Variants in BCAS1 observed in about 807,000 individuals in gnomAD.
BCAS1 encodes breast carcinoma-amplified sequence 1.
A neutral mutation model predicts 65.4 loss-of-function variants in BCAS1; 46 were observed. The ratio of observed to expected loss-of-function variants is 0.70; its 90% confidence interval spans 0.55 to 0.90. BCAS1 has a LOEUF of 0.90. Among genes scored for constraint, BCAS1 ranks in the 40% least tolerant of loss-of-function variants. The probability of loss-of-function intolerance (pLI) is 0.00; values close to 1 mark genes in which losing one functional copy is unlikely to be tolerated. For synonymous variants in BCAS1, 298 were observed against 293.5 expected, an observed-to-expected ratio of 1.02 and a Z score of -0.16; for missense variants, 793 against 771.2, an observed-to-expected ratio of 1.03 and a Z score of -0.33.
At chr20:53,951,118 G>A (rs369478898) in intron 12 of BCAS1, among the ~76,000 whole-genome samples, 6 of 152,168 alleles carry the variant, frequency 3.9e-5, no homozygotes, top group East Asian at 3.8e-4. Context: ...AGAAGCCACA[G>A]TGTAAATCAT....
At chr20:53,954,294 G>GGAGAGAGAGAGAGAGAGAGAGAGAGA (rs71196437) in intron 11 of BCAS1, among the ~76,000 whole-genome samples, 1 of 125,914 alleles carries the variant, frequency 7.9e-6, no homozygotes, top group African/African-American at 3.2e-5. Context: ...GCTGAGAAAT[G>GGAGAGAGAGAGAGAGAGAGAGAGAGA]GAGAGAGAGA....
intron 4 of BCAS1, among the ~76,000 whole-genome samples, chr20:54,013,497 T>G (rs2091366683): frequency 6.6e-6 from 1 of 152,236 alleles, no homozygotes; most frequent in South Asian, 2.1e-4. Context: ...AAGTATAAAC[T>G]AATTCAATCC....
At position 53,953,573 on chromosome 20, in the gene BCAS1, C is replaced by T. The variant is rs755860208; in HGVS notation, c.1674G>A (p.Lys558=). The change falls in exon 12 of 13, where the codon AAG becomes AAA. Residue 558 remains lysine, a synonymous_variant. Coordinates refer to ENST00000688948, the MANE Select transcript of BCAS1 (RefSeq NM_001366298.2). ...KKSAAEMNKQ[K]SNKQEAKEPA... is the part of the protein sequence containing the mutation. ...GTTCTTTGGCTTCCTGCTTGTTGCTCTTCTGCTTGTTCATCTCGGCTGCTG... is the reference window on the plus strand; with the variant it reads ...GTTCTTTGGCTTCCTGCTTGTTGCTTTTCTGCTTGTTCATCTCGGCTGCTG... 3.1e-6 allele frequency: 5 copies of T among 1,613,818 alleles called. No homozygotes were observed. In the African/African-American group the frequency reaches 5.3e-5, roughly 17 times the overall value.
chr20:53,966,397 T>G (rs1209068128), intron 10 of BCAS1, among the ~76,000 whole-genome samples: 2 of 152,172 alleles, frequency 1.3e-5, no homozygotes, highest in East Asian at 3.8e-4. Flanking sequence ...AAATACTGTA[T>G]GTTCTCACTC....
chr20:54,028,793 C>T lies in BCAS1; in HGVS notation c.322G>A (p.Gly108Arg), dbSNP rs755447818. The T allele has an allele frequency of 3.3e-5, 54 of 1,614,016 alleles. No individual in the cohort carries two copies. Among genetic ancestry groups the T allele is most frequent in the Admixed American group, 1.5e-4 (9 of 60,004 alleles). ...AGGGATGAATCTGCGGCTTGGTCTC[C>T]GGTACGTCCTGGTACAGGCCGAGAG... ...MLSRPVPGRTGDQAADSSLGS... is the reference protein window; with the variant it reads ...MLSRPVPGRTRDQAADSSLGS... The change falls in exon 4 of 13, where the codon GGA becomes AGA. Residue 108 changes from glycine to arginine, a missense_variant. Gly to Arg is a moderately radical substitution (Grantham distance 125, BLOSUM62 -2). Coordinates refer to ENST00000688948, the MANE Select transcript of BCAS1 (RefSeq NM_001366298.2).
chr20:53,994,477 T>G (rs1467299296), intron 6 of BCAS1, among the ~76,000 whole-genome samples: 1 of 152,214 alleles, frequency 6.6e-6, no homozygotes, highest in African/African-American at 2.4e-5. Flanking sequence ...CCAGGGAAAC[T>G]ATTCTATTTC....
intron 10 of BCAS1, among the ~76,000 whole-genome samples, chr20:53,958,185 G>A (rs1033655138): frequency 5.3e-5 from 8 of 152,156 alleles, no homozygotes; most frequent in Admixed American, 5.2e-4. Flanking sequence ...CTCTCCAGGT[G>A]GTGCTGAGGA....
chr20:54,070,552 C>G lies in BCAS1; in HGVS notation c.-125G>C, dbSNP rs974251805. 6.6e-6 allele frequency: 1 copy of G among 152,604 alleles called. No individual in the cohort carries two copies. Among genetic ancestry groups the G allele is most frequent in the Non-Finnish European group, 1.5e-5 (1 of 68,348 alleles). The allele number at this position is 152,604 out of a possible 1,614,324, so 9.5% of individuals were successfully genotyped here. On this transcript the variant is annotated 5_prime_UTR_variant, in exon 1 of 13. Coordinates refer to ENST00000688948, the MANE Select transcript of BCAS1 (RefSeq NM_001366298.2). Reference sequence around the variant, plus strand: ...GCCTGGCTGTCGGTGGAGCCTGGCTCCCTGCACTTTGCTTCCTTGTGCAGA... The same window carrying G: ...GCCTGGCTGTCGGTGGAGCCTGGCTGCCTGCACTTTGCTTCCTTGTGCAGA...
chr20:53,956,082 C>A (rs181706984), intron 11 of BCAS1, among the ~76,000 whole-genome samples: 1 of 152,162 alleles, frequency 6.6e-6, no homozygotes, highest in African/African-American at 2.4e-5. Flanking sequence ...TCCCTATCAG[C>A]AGCATAATAG....
chr20:53,991,014 C>T (rs1600801339), intron 7 of BCAS1, among the ~76,000 whole-genome samples: 1 of 152,164 alleles, frequency 6.6e-6, no homozygotes, highest in Admixed American at 6.5e-5. Context: ...TAACATTGAA[C>T]TTGGGTGGTC....
chr20:53,996,734 C>T (rs2090925737), intron 4 of BCAS1, among the ~76,000 whole-genome samples: 1 of 152,112 alleles, frequency 6.6e-6, no homozygotes, highest in South Asian at 2.1e-4. Flanking sequence ...TCTTGACCCT[C>T]ACAATACATT....
chr20:53,973,480 C>T (rs959827984), intron 9 of BCAS1, among the ~76,000 whole-genome samples: 13 of 152,074 alleles, frequency 8.5e-5, no homozygotes, highest in Non-Finnish European at 7.4e-5. Context: ...AATAGAATAT[C>T]TCCTGTTTGC....
At chr20:53,952,606 C>T (rs972671675) in intron 12 of BCAS1, among the ~76,000 whole-genome samples, 1 of 152,168 alleles carries the variant, frequency 6.6e-6, no homozygotes, top group African/African-American at 2.4e-5. Flanking sequence ...CAAACCAAAA[C>T]CTACCTTATG....
At chr20:53,999,869 TAC>T (rs1328592122) in intron 4 of BCAS1, among the ~76,000 whole-genome samples, 5 of 152,182 alleles carry the variant, frequency 3.3e-5, no homozygotes, top group African/African-American at 9.7e-5. Context: ...TAGCTGGGAT[TAC>T]AGTGTGTGCC....
chr20:54,049,517 G>A (rs2092173098), intron 3 of BCAS1, among the ~76,000 whole-genome samples: 1 of 151,820 alleles, frequency 6.6e-6, no homozygotes, highest in African/African-American at 2.4e-5. Context: ...AATCTGGTCA[G>A]GTGATATGTC....
intron 4 of BCAS1, among the ~76,000 whole-genome samples, chr20:54,024,969 A>G (rs889824732): frequency 6.6e-6 from 1 of 152,120 alleles, no homozygotes. Context: ...ACTTATCACA[A>G]TGTCTCTTAA....
intron 8 of BCAS1, among the ~76,000 whole-genome samples, chr20:53,980,396 C>A (rs554341331): frequency 6.6e-6 from 1 of 152,256 alleles, no homozygotes; most frequent in East Asian, 1.9e-4. Context: ...GCTTGCATTC[C>A]TCCAGCTTCT....
At chr20:53,945,023 G>A in intron 12 of BCAS1, 27 bp from the exon 13 acceptor site, 1 of 1,601,738 alleles carries the variant, frequency 6.2e-7, no homozygotes, top group Non-Finnish European at 8.6e-7. Context: ...AGACGTGGCA[G>A]CCTATTGAAG....
chr20:54,010,018 A>G (rs2091286319), intron 4 of BCAS1, among the ~76,000 whole-genome samples: 1 of 152,212 alleles, frequency 6.6e-6, no homozygotes, highest in African/African-American at 2.4e-5. Flanking sequence ...TATTCAACAA[A>G]ATTCAATCCT....
Sources: gnomAD v4.1 joint callset for allele counts (sites outside exome capture counted in the v4.1 genomes callset) on GRCh38, gnomAD v4.1.1 for gene constraint, MANE v1.5 for transcripts, NCBI Gene and HGNC (gene_info 2026-07-23, HGNC 2026-07-21) for gene names.